PATJ: variants seen among roughly 807,000 people sequenced by gnomAD.
PATJ encodes PATJ crumbs cell polarity complex component.
In PATJ, 190 loss-of-function variants were observed where a neutral mutation model predicts 224.9. The ratio of observed to expected loss-of-function variants is 0.84; its 90% CI spans 0.75 to 0.95. PATJ has a LOEUF of 0.95. Among genes scored for constraint, PATJ ranks in the 40% least tolerant of loss-of-function variants. The pLI is 0.00. For synonymous variants in PATJ, 769 were observed against 820.3 expected (o/e 0.94, Z 1.07); for missense variants, 2,121 against 2,270.3 (o/e 0.93, Z 1.34).
intron 29 of PATJ, among the ~76,000 whole-genome samples, chr1:62,024,799 A>T (rs1180058995): frequency 6.6e-6 from 1 of 151,956 alleles, no homozygotes; most frequent in East Asian, 1.9e-4. Context: ...AAGTGTGGCC[A>T]GCGGGTGTTC....
chr1:61,874,351 C>T (rs894469563), intron 20 of PATJ, among the ~76,000 whole-genome samples: 2 of 152,108 alleles, frequency 1.3e-5, no homozygotes, highest in African/African-American at 4.8e-5. Context: ...CCATGCACCA[C>T]CATGCCTGGC....
intron 30 of PATJ, among the ~76,000 whole-genome samples, chr1:62,047,112 G>A (rs997615493): frequency 7.2e-5 from 11 of 152,174 alleles, no homozygotes; most frequent in African/African-American, 2.2e-4. Context: ...GGGGACATGT[G>A]CATAATTAGA....
rs1313609807 is a variant in PATJ at position 61,980,479 on chromosome 1, GGTA to G, written c.3671-9688_3671-9686del. Among the ~76,000 whole-genome samples the G allele has an allele frequency of 4.0e-3, 497 of 123,572 alleles. 10 individuals carry two copies. The East Asian group carries it at 0.043, about 11-fold the overall frequency. 81.1% of individuals were successfully genotyped at this position (123,572 alleles called of 152,430 possible). On this transcript the variant is annotated intron_variant, in intron 27 of 43. Coordinates refer to ENST00000642238, the MANE Select transcript of PATJ (RefSeq NM_001350145.3). ...TGTGTGTGTGTGTGTGTGTGTGTGTGGTATGCATTTTCATATAGTAAACAAAGT... is the reference window on the plus strand; with the variant it reads ...TGTGTGTGTGTGTGTGTGTGTGTGTGTGCATTTTCATATAGTAAACAAAGT...
chr1:61,828,631 A>G (rs1275931467), intron 16 of PATJ, among the ~76,000 whole-genome samples: 3 of 151,960 alleles, frequency 2.0e-5, no homozygotes, highest in East Asian at 1.9e-4. Context: ...GACTCAAGCA[A>G]TCCTCCCACC....
At chr1:61,862,512 A>G (rs12025041) in intron 19 of PATJ, among the ~76,000 whole-genome samples, 1 of 152,242 alleles carries the variant, frequency 6.6e-6, no homozygotes, top group East Asian at 1.9e-4. Context: ...TTTTAAAACT[A>G]AATTCTTTCC....
intron 27 of PATJ, among the ~76,000 whole-genome samples, chr1:61,950,515 T>C (rs1416663403): frequency 6.6e-6 from 1 of 152,208 alleles, no homozygotes; most frequent in Non-Finnish European, 1.5e-5. Flanking sequence ...CTAGTAGTTC[T>C]TTTGGTTTAA....
chr1:61,795,442 T>A (rs1481138412), intron 9 of PATJ, 25 bp from the exon 10 acceptor site: 1 of 1,439,942 alleles, frequency 6.9e-7, no homozygotes, highest in African/African-American at 1.4e-5. Flanking sequence ...TTTCTTCCTT[T>A]TTCCGTATGT....
At chr1:62,030,921 G>A (rs1180981074) in intron 29 of PATJ, among the ~76,000 whole-genome samples, 1 of 152,092 alleles carries the variant, frequency 6.6e-6, no homozygotes, top group Admixed American at 6.6e-5. Context: ...TCTCCTGTAG[G>A]TGAACATTTG....
chr1:61,846,384 C>T (rs1165896614), intron 17 of PATJ, among the ~76,000 whole-genome samples: 2 of 152,226 alleles, frequency 1.3e-5, no homozygotes, highest in South Asian at 4.1e-4. Context: ...ATTTGCAAAG[C>T]TTTTAAGTTT....
intron 28 of PATJ, among the ~76,000 whole-genome samples, chr1:61,998,425 C>G (rs1230312353): frequency 1.3e-5 from 2 of 151,846 alleles, no homozygotes; most frequent in Non-Finnish European, 1.5e-5. Flanking sequence ...CAAAGTCTTT[C>G]TGTATCGCCC....
chr1:61,872,159 CTTTT>C (rs1289688138), intron 20 of PATJ, among the ~76,000 whole-genome samples: 2 of 152,182 alleles, frequency 1.3e-5, no homozygotes, highest in Admixed American at 6.5e-5. Context: ...CAACCTTCTT[CTTTT>C]TAACTGCTCA....
intron 27 of PATJ, among the ~76,000 whole-genome samples, chr1:61,977,510 G>A (rs553565118): frequency 6.6e-6 from 1 of 152,112 alleles, no homozygotes; most frequent in East Asian, 1.9e-4. Flanking sequence ...TTAAAAAGAA[G>A]ATTAAAAAGG....
chr1:61,747,656 C>T (rs949190718), intron 1 of PATJ, among the ~76,000 whole-genome samples: 1 of 152,106 alleles, frequency 6.6e-6, no homozygotes, highest in Admixed American at 6.6e-5. Flanking sequence ...CAGATAGTTA[C>T]TTTAAGAAAA....
At position 61,989,906 on chromosome 1, in the gene PATJ, C is replaced by T. The variant is rs184117288; in HGVS notation, c.3671-262C>T. On this transcript the variant is annotated intron_variant, in intron 27 of 43. Transcript: ENST00000642238. ...ACTATTATAGAGCTTGGCACAGTGC[C>T]ACATACTATAGTTCCAGCTACTTGG... Among the ~76,000 whole-genome samples, 64 of 152,208 alleles carry T rather than the reference C, an allele frequency of 4.2e-4. 1 individual carries two copies. The highest frequency in any genetic ancestry group is 1.5e-3 in the African/African-American group (62 of 41,544).
At chr1:62,025,978 C>A (rs1254863209) in intron 29 of PATJ, among the ~76,000 whole-genome samples, 1 of 152,210 alleles carries the variant, frequency 6.6e-6, no homozygotes, top group Non-Finnish European at 1.5e-5. Context: ...CAACTGGTGA[C>A]AATTATTTAG....
chr1:61,790,102 G>A (rs1448250626), intron 8 of PATJ, among the ~76,000 whole-genome samples: 1 of 145,184 alleles, frequency 6.9e-6, no homozygotes, highest in Non-Finnish European at 1.5e-5. Flanking sequence ...TACTTGGGAG[G>A]CTGAAGGGGG....
intron 29 of PATJ, among the ~76,000 whole-genome samples, chr1:62,023,284 C>T (rs1420591274): frequency 2.1e-5 from 3 of 142,346 alleles, no homozygotes; most frequent in Non-Finnish European, 1.5e-5. Flanking sequence ...GAGTGAAAGT[C>T]CATCTCAAAA....
chr1:61,985,731 C>T (rs1644719790), intron 27 of PATJ, among the ~76,000 whole-genome samples: 1 of 151,996 alleles, frequency 6.6e-6, no homozygotes, highest in Admixed American at 6.5e-5. Flanking sequence ...CAGGGGAGAA[C>T]AATGTTAGTC....
Position 61,884,346 on chromosome 1 carries a change from A to G in PATJ, c.3069A>G (p.Arg1023=). 2 of 1,613,116 alleles carry G rather than the reference A, an allele frequency of 1.2e-6. No individual in the cohort carries two copies. The highest frequency in any genetic ancestry group is 2.7e-5 in the African/African-American group (2 of 74,882). Residue 1023 remains arginine, a synonymous_variant, in exon 22 of 44, where the codon CGA becomes CGG. Transcript: ENST00000642238. ...DLPLYQHQAT[R]VISKASAYTG... The stretch of plus-strand genomic sequence containing the variant: ...CTTTATATCAACACCAAGCGACACG[A>G]GTTATTTCCAAGGCCTCAGCATACA...
Sources: allele counts gnomAD v4.1 joint callset (sites outside exome capture counted in the v4.1 genomes callset), GRCh38; gene constraint gnomAD v4.1.1; transcripts MANE v1.5; gene names NCBI Gene and HGNC (gene_info 2026-07-23, HGNC 2026-07-21).